Variants in CDCP2 observed in about 807,000 individuals in gnomAD.
CDCP2 encodes the protein CUB domain-containing protein 2.
In CDCP2, 31 loss-of-function variants were observed where a neutral mutation model predicts 31.0. The ratio of observed to expected loss-of-function variants is 1.00; its 90% CI spans 0.75 to 1.35. The LOEUF is 1.35. CDCP2 is among the 40% of genes most tolerant of loss of function. The pLI, the probability that CDCP2 is intolerant of heterozygous loss-of-function variation, is 0.00. For synonymous variants in CDCP2, 206 were observed against 207.9 expected (o/e 0.99, Z 0.08); for missense variants, 443 against 482.6 (o/e 0.92, Z 0.77).
chr1:54,145,827 T>C (rs2100429396), intron 1 of CDCP2, among the ~76,000 whole-genome samples: 1 of 152,298 alleles, frequency 6.6e-6, no homozygotes, highest in East Asian at 1.9e-4. Context: ...ATTTTCACTG[T>C]GTAAGCATAT....
At chr1:54,147,734 C>A (rs780623625) in intron 1 of CDCP2, among the ~76,000 whole-genome samples, 6 of 151,608 alleles carry the variant, frequency 4.0e-5, no homozygotes, top group Non-Finnish European at 7.4e-5. Context: ...TTTGGCTGGC[C>A]GTGATGGCTC....
intron 1 of CDCP2, among the ~76,000 whole-genome samples, chr1:54,146,181 ATTTT>A (rs11314265): frequency 2.8e-5 from 4 of 145,288 alleles, no homozygotes; most frequent in Non-Finnish European, 3.0e-5. Context: ...GGTAAGTATA[ATTTT>A]TTTTTTTTTT....
chr1:54,139,653 G>A, intron 4 of CDCP2, 100 bp downstream of exon 4: 1 of 1,612,798 alleles, frequency 6.2e-7, no homozygotes, highest in Non-Finnish European at 8.5e-7. Context: ...CATGGGGGGG[G>A]CAGGACAAAC....
At position 54,133,916 on chromosome 1, in the gene CDCP2, A is replaced by AC. The variant is rs58061459; in HGVS notation, c.1297-623_1297-622insG. 6.0e-5 allele frequency among the ~76,000 whole-genome samples: 9 copies of AC among 149,734 alleles called. No individual in the cohort carries two copies. The South Asian group carries it at 8.6e-4, about 14-fold the overall frequency. ...ATCTCAAAAACAAACAAACAAACAA[A>AC]AAAAACCCCATGTTACAGAGGAGGA... On this transcript the variant is annotated intron_variant, in intron 5 of 5. Transcript: ENST00000530059.
rs572066568 is a variant in CDCP2, at chr1:54,152,729, C to A, written c.79+115G>T. On this transcript the variant is annotated intron_variant, in intron 1 of 5. Transcript: ENST00000530059. Reference sequence around the variant, plus strand: ...AAACACATTCTCAACTCAGCCACGTCCCCTAAAAGGACCTCCTGCTTTCTG... The same window carrying A: ...AAACACATTCTCAACTCAGCCACGTACCCTAAAAGGACCTCCTGCTTTCTG... 5.5e-4 allele frequency: 483 copies of A among 878,944 alleles called. 7 individuals carry two copies. In the South Asian group the frequency reaches 7.0e-3, roughly 13 times the overall value. 54.4% of individuals were successfully genotyped at this position (878,944 alleles called of 1,614,324 possible). A position where few individuals can be genotyped will look rare whatever the true frequency, so the allele number is the denominator to read the frequency against.
At chr1:54,141,524 C>G in intron 2 of CDCP2, 91 bp from the exon 3 acceptor site, 1 of 1,112,938 alleles carries the variant, frequency 9.0e-7, no homozygotes, top group Non-Finnish European at 1.3e-6. Flanking sequence ...CATGCTGCCC[C>G]CACAGGTATC....
chr1:54,133,454 G>A (rs112548406), intron 5 of CDCP2, among the ~76,000 whole-genome samples, 160 bp from the exon 6 acceptor site: 15 of 152,358 alleles, frequency 9.8e-5, no homozygotes, highest in African/African-American at 3.1e-4. Context: ...AAGGAGTACC[G>A]TGAAGGTAAG....
chr1:54,147,075 CAAAAAAAAAAAA>C (rs71066904), intron 1 of CDCP2, among the ~76,000 whole-genome samples: 1 of 56,872 alleles, frequency 1.8e-5, no homozygotes, highest in Non-Finnish European at 2.9e-5. Flanking sequence ...GACTCCATCT[CAAAAAAAAAAAA>C]AAAAAAAAAA....
At position 54,152,842 on chromosome 1, in the gene CDCP2, A is replaced by G. The variant is rs767729456; in HGVS notation, c.79+2T>C. 1.8e-5 allele frequency: 29 copies of G among 1,613,898 alleles called. No homozygotes were observed. Among genetic ancestry groups the G allele is most frequent in the Non-Finnish European group, 2.5e-5 (29 of 1,179,840 alleles). ...GTTCATGTCTGTCCCAAGAGTGCCT[A>G]CCTTCCATGGCTTGGGCCTGGAGCC... is the stretch of plus-strand genomic sequence containing the variant. On this transcript the variant is annotated splice_donor_variant, in intron 1 of 5. Transcript: ENST00000530059. LOFTEE classifies it high-confidence loss of function.
At position 54,144,453 on chromosome 1, in the gene CDCP2, G is replaced by GC. The variant is rs772835313; in HGVS notation, c.427+12dup. 7.7e-6 allele frequency: 12 copies of GC among 1,554,846 alleles called. No homozygotes were observed. Among genetic ancestry groups the GC allele is most frequent in the East Asian group, 2.3e-5 (1 of 44,322 alleles). On this transcript the variant is annotated intron_variant, in intron 2 of 5. Transcript: ENST00000530059. ...TGAGCCACTGCAACAGGTCCCTAAG[G>GC]CCCCCCGTTGACCTTTCTGGTAGCC...
intron 5 of CDCP2, 21 bp from the exon 6 acceptor site, chr1:54,133,315 C>A: frequency 5.0e-6 from 2 of 399,028 alleles, no homozygotes; most frequent in South Asian, 2.6e-4. Flanking sequence ...ACAGGGTACT[C>A]ATCACACCTG....
At chr1:54,133,844 T>G (rs34252841) in intron 5 of CDCP2, among the ~76,000 whole-genome samples, 4,595 of 149,628 alleles carry the variant, frequency 0.031, 86 homozygotes, top group South Asian at 0.06. Flanking sequence ...TGCAGTGAGC[T>G]GAGATCGAGC....
intron 4 of CDCP2, chr1:54,139,495 T>TGAG (rs1259960505): frequency 1.2e-5 from 19 of 1,580,852 alleles, no homozygotes; most frequent in Non-Finnish European, 1.6e-5. Context: ...AGGAACCAGA[T>TGAG]GGGGAGGGGT....
chr1:54,136,763 A>G (rs1198437205), exon 5 of CDCP2: 7 of 399,026 alleles, frequency 1.8e-5, no homozygotes, highest in African/African-American at 6.2e-5. Context: ...CGTGGAGATC[A>G]GGATCTGGAA....
chr1:54,140,579 G>A (rs147319562), intron 3 of CDCP2: 13 of 233,442 alleles, frequency 5.6e-5, no homozygotes, highest in East Asian at 1.2e-4. Context: ...TTCTGCTTCC[G>A]TCTAACTCCT....
intron 1 of CDCP2, among the ~76,000 whole-genome samples, chr1:54,146,547 T>G (rs6704344): frequency 6.6e-6 from 1 of 152,004 alleles, no homozygotes; most frequent in East Asian, 1.9e-4. Context: ...AAAGTATCAG[T>G]GTGAACTTGA....
chr1:54,144,215 G>A (rs1042116376), intron 2 of CDCP2: 7 of 421,920 alleles, frequency 1.7e-5, no homozygotes, highest in Non-Finnish European at 8.5e-6. Context: ...GGCTGCTTTT[G>A]CCTTATAAAC....
intron 4 of CDCP2, chr1:54,139,293 G>A (rs1659311334): frequency 9.3e-6 from 5 of 538,316 alleles, no homozygotes; most frequent in South Asian, 8.8e-5. Context: ...CTAGCTCCAG[G>A]CTTCCTGTTG....
intron 1 of CDCP2, among the ~76,000 whole-genome samples, chr1:54,146,073 G>A (rs1176309751): frequency 6.6e-6 from 1 of 151,954 alleles, no homozygotes; most frequent in South Asian, 2.1e-4. Flanking sequence ...CTTACTATTA[G>A]TAATAATATT....
Sources: gnomAD v4.1 joint callset for allele counts (sites outside exome capture counted in the v4.1 genomes callset) on GRCh38, gnomAD v4.1.1 for gene constraint, MANE v1.5 for transcripts, NCBI Gene and HGNC (gene_info 2026-07-23, HGNC 2026-07-21) for gene names.